GDF7: variants seen among roughly 807,000 people sequenced by gnomAD.
The protein encoded by GDF7 is growth differentiation factor 7.
In GDF7, 12 loss-of-function variants were observed where a neutral mutation model predicts 13.4. The ratio of observed to expected loss-of-function variants is 0.90; its 90% CI spans 0.57 to 1.45. The LOEUF (loss-of-function observed/expected upper bound fraction) is 1.45, where lower values mean the gene tolerates loss of function less well. GDF7 is among the 40% of genes most tolerant of loss of function. The probability of loss-of-function intolerance (pLI) is 0.00; values close to 1 mark genes in which losing one functional copy is unlikely to be tolerated. For missense variants in GDF7, 651 were observed against 652.4 expected, an observed-to-expected ratio of 1.00 and a Z score of 0.02; for synonymous variants, 330 against 306.4, an observed-to-expected ratio of 1.08 and a Z score of -0.80.
At position 20,671,410 on chromosome 2, in the gene GDF7, C is replaced by G. The variant is rs140907072; in HGVS notation, c.1338C>G (p.Ala446=). Residue 446 remains alanine (A), a synonymous_variant, in exon 2 of 2, where the codon GCC becomes GCG. Transcript: ENST00000272224. ...AATACGAGGACATGGTGGTGGAGGC[C>G]TGCGGCTGCAGGTAGCGCGAGGGCC... ...YKQYEDMVVE[A]CGCR 116 of 1,606,178 alleles carry G rather than the reference C, an allele frequency of 7.2e-5. No homozygotes were observed. In the African/African-American group the frequency reaches 1.2e-3, roughly 17 times the overall value.
At chr2:20,669,189 G>T (rs148047885) in intron 1 of GDF7, among the ~76,000 whole-genome samples, 3 of 152,052 alleles carry the variant, frequency 2.0e-5, no homozygotes, top group Admixed American at 1.3e-4. Context: ...GTGCCTCTCC[G>T]GCCTCCCTCT....
In GDF7 at chr2:20,678,393, T is replaced by C. The variant is rs9306895; in HGVS notation, c.*6968T>C. ...CATTTCACCCTAAATGAAAAGTTAA[T>C]GCATTTTTTACAAGGATTAACATGC... On this transcript the variant is annotated 3_prime_UTR_variant, in exon 2 of 2. Transcript: ENST00000272224. The C allele has an allele frequency of 0.3, 45,635 of 152,270 alleles. 8,046 individuals are homozygous for C. The highest frequency in any genetic ancestry group is 0.55 in the Middle Eastern group (161 of 294). The allele number at this position is 152,270 out of a possible 1,614,324, so 9.4% of individuals were successfully genotyped here.
rs1055604895 is a variant in GDF7, at chr2:20,678,888, A to G, written c.*7463A>G. On this transcript the variant is annotated 3_prime_UTR_variant, in exon 2 of 2. Transcript: ENST00000272224. ...GCAAACTGAAATCTCCTTCATCAGCAGTCTTCCTGCTGGTGTAGCCACAGC... is the reference window on the plus strand; with the variant it reads ...GCAAACTGAAATCTCCTTCATCAGCGGTCTTCCTGCTGGTGTAGCCACAGC... 2.0e-5 allele frequency: 3 copies of G among 152,218 alleles called. No individual in the cohort carries two copies. Among genetic ancestry groups the G allele is most frequent in the African/African-American group, 7.2e-5 (3 of 41,438 alleles). The allele number at this position is 152,218 out of a possible 1,614,324, so 9.4% of individuals were successfully genotyped here. A position where few individuals can be genotyped will look rare whatever the true frequency, so the allele number is the denominator to read the frequency against.
At position 20,667,387 on chromosome 2, in the gene GDF7, G is replaced by GGCGGCGGCA; in HGVS notation, c.149_150insCGGCGGCAG (p.Gly50_Arg51insGlyGlyArg). 2.2e-6 allele frequency: 2 copies of GGCGGCGGCA among 925,720 alleles called. No individual in the cohort carries two copies. The highest frequency in any genetic ancestry group is 2.6e-6 in the Non-Finnish European group (2 of 779,168). The allele number at this position is 925,720 out of a possible 1,614,324, so 57.3% of individuals were successfully genotyped here. On this transcript the variant is annotated inframe_insertion, in exon 1 of 2. Coordinates refer to ENST00000272224, the MANE Select transcript of GDF7 (RefSeq NM_182828.4). The surrounding 1 kb of genome is among the most constrained non-coding windows in gnomAD (Gnocchi z 6.4). ...GGGCGGCGGCGGCGGCGGCGGCGGC[G>GGCGGCGGCA]GGCGGACTCTTGCCCAGGCTGCGGG...
chr2:20,667,285 G>T lies in GDF7; in HGVS notation c.46G>T (p.Ala16Ser). Residue 16 changes from alanine (A) to serine (S), a missense_variant, in exon 1 of 2, where the codon GCC becomes TCC. Around this residue, in one of 4 missense-constraint regions of GDF7, gnomAD observed 61 missense variants for 50.5 expected, o/e 1.21. Coordinates refer to ENST00000272224, the MANE Select transcript of GDF7 (RefSeq NM_182828.4). The surrounding 1 kb of genome is among the most constrained non-coding windows in gnomAD (Gnocchi z 6.4). ...AAALCLWLLS[A>S]CRPRDGLEAA... ...CGCGCTGTGCCTTTGGCTGCTGAGC[G>T]CCTGCCGCCCCCGCGACGGGCTGGA... is the stretch of plus-strand genomic sequence containing the variant. 3 of 1,219,252 alleles carry T rather than the reference G, an allele frequency of 2.5e-6. No homozygotes were observed. Among genetic ancestry groups the T allele is most frequent in the Non-Finnish European group, 2.1e-6 (2 of 970,844 alleles). 75.5% of individuals were successfully genotyped at this position (1,219,252 alleles called of 1,614,324 possible). A position where few individuals can be genotyped will look rare whatever the true frequency, so the allele number is the denominator to read the frequency against.
rs1376399276 is a variant in GDF7, at chr2:20,677,306, C to T, written c.*5881C>T. 1.3e-5 allele frequency: 2 copies of T among 152,228 alleles called. No homozygotes were observed. The highest frequency in any genetic ancestry group is 2.9e-5 in the Non-Finnish European group (2 of 68,058). The allele number at this position is 152,228 out of a possible 1,614,324, so 9.4% of individuals were successfully genotyped here. On this transcript the variant is annotated 3_prime_UTR_variant, in exon 2 of 2. Transcript: ENST00000272224. ...GAAAAACAAGAAGCTTCTGTCACAC[C>T]CAGGCCACTTTCGGCAGAGTGGTCC...
intron 1 of GDF7, among the ~76,000 whole-genome samples, chr2:20,668,071 C>T (rs530071398): frequency 6.6e-6 from 1 of 152,364 alleles, no homozygotes; most frequent in East Asian, 1.9e-4. Context: ...TCTGCAGCTC[C>T]CAGTCTCCTG....
chr2:20,668,085 G>A (rs1696001659), intron 1 of GDF7, among the ~76,000 whole-genome samples: 1 of 152,244 alleles, frequency 6.6e-6, no homozygotes, highest in African/African-American at 2.4e-5. Flanking sequence ...TCTCCTGCGG[G>A]CCACACAAAT....
rs773721750 is a variant in GDF7 at position 20,670,492 on chromosome 2, C to T, written c.420C>T (p.Ser140=). The T allele has an allele frequency of 6.4e-6, 10 of 1,570,636 alleles. No individual in the cohort carries two copies. Among genetic ancestry groups the T allele is most frequent in the Non-Finnish European group, 8.6e-6 (10 of 1,159,404 alleles). The change falls in exon 2 of 2, where the codon AGC becomes AGT. Residue 140 remains serine, a synonymous_variant. Coordinates refer to ENST00000272224, the MANE Select transcript of GDF7 (RefSeq NM_182828.4). ...AATCGGCAGCCGAAACAGGCCAGAGCTTCCTGTTCGACGTGTCCAGCCTTA... is the reference window on the plus strand; with the variant it reads ...AATCGGCAGCCGAAACAGGCCAGAGTTTCCTGTTCGACGTGTCCAGCCTTA... ...QDESAAETGQ[S]FLFDVSSLND...
rs1662241742 is a variant in GDF7, at chr2:20,677,070, G to GT, written c.*5646dup. On this transcript the variant is annotated 3_prime_UTR_variant, in exon 2 of 2. Coordinates refer to ENST00000272224, the MANE Select transcript of GDF7 (RefSeq NM_182828.4). ...CGGTCACAGAAACTTCCGGAGAGAG[G>GT]TGTTTCTGTGCAGTCAGGTGAATTT... is the stretch of plus-strand genomic sequence containing the variant. The GT allele has an allele frequency of 6.6e-6, 1 of 152,202 alleles. No individual in the cohort carries two copies. Among genetic ancestry groups the GT allele is most frequent in the East Asian group, 1.9e-4 (1 of 5,190 alleles). The allele number at this position is 152,202 out of a possible 1,614,324, so 9.4% of individuals were successfully genotyped here. A position where few individuals can be genotyped will look rare whatever the true frequency, so the allele number is the denominator to read the frequency against.
In GDF7 at chr2:20,670,457, C is replaced by G. The variant is rs755185136; in HGVS notation, c.392-7C>G. The G allele has an allele frequency of 2.0e-6, 3 of 1,529,800 alleles. 1 individual carries two copies. The South Asian group carries it at 3.8e-5, about 19-fold the overall frequency. 94.8% of individuals were successfully genotyped at this position (1,529,800 alleles called of 1,614,324 possible). A position where few individuals can be genotyped will look rare whatever the true frequency, so the allele number is the denominator to read the frequency against. On this transcript the variant is annotated splice_region_variant and splice_polypyrimidine_tract_variant and intron_variant, in intron 1 of 1. Coordinates refer to ENST00000272224, the MANE Select transcript of GDF7 (RefSeq NM_182828.4). ...TCTTTCTCTCTGTCCCTGCCGGTCC[C>G]CCGCAGACGAATCGGCAGCCGAAAC...
chr2:20,672,668 A>G lies in GDF7; in HGVS notation c.*1243A>G, dbSNP rs1316053150. ...TTCAACTCACAACCCAGACCTTTAG[A>G]GCAGGGGGAAGGTCTGCCCCTTCCC... On this transcript the variant is annotated 3_prime_UTR_variant, in exon 2 of 2. Coordinates refer to ENST00000272224, the MANE Select transcript of GDF7 (RefSeq NM_182828.4). The G allele has an allele frequency of 6.6e-6, 1 of 152,274 alleles. No individual in the cohort carries two copies. Among genetic ancestry groups the G allele is most frequent in the Non-Finnish European group, 1.5e-5 (1 of 68,052 alleles). The allele number at this position is 152,274 out of a possible 1,614,324, so 9.4% of individuals were successfully genotyped here.
In GDF7 at chr2:20,670,840, C is replaced by A. The variant is rs1185164074; in HGVS notation, c.768C>A (p.Gly256=). The A allele has an allele frequency of 4.0e-6, 6 of 1,495,260 alleles. No homozygotes were observed. Among genetic ancestry groups the A allele is most frequent in the South Asian group, 1.3e-5 (1 of 79,578 alleles). 92.6% of individuals were successfully genotyped at this position (1,495,260 alleles called of 1,614,324 possible). ...ALRRLGFGWP[G]GGGSAAEERA... is the part of the protein sequence containing the mutation. ...GGCGGCTGGGCTTCGGCTGGCCGGG[C>A]GGAGGGGGCTCTGCGGCAGAGGAGC... The change falls in exon 2 of 2, where the codon GGC becomes GGA. Residue 256 remains glycine, a synonymous_variant. Transcript: ENST00000272224.
In GDF7 at chr2:20,667,874, C is replaced by T. The variant is rs1318777329; in HGVS notation, c.391+244C>T. Among the ~76,000 whole-genome samples the T allele has an allele frequency of 2.0e-5, 3 of 152,238 alleles. No individual in the cohort carries two copies. Among genetic ancestry groups the T allele is most frequent in the Admixed American group, 6.5e-5 (1 of 15,288 alleles). On this transcript the variant is annotated intron_variant, in intron 1 of 1. Transcript: ENST00000272224. The surrounding 1 kb of genome is among the most constrained non-coding windows in gnomAD (Gnocchi z 6.4). ...TGACTGGTCCCTCTCCCAGGTCTCCCTGGCCTTGCAGGCCGGCTGGTCCCC... is the reference window on the plus strand; with the variant it reads ...TGACTGGTCCCTCTCCCAGGTCTCCTTGGCCTTGCAGGCCGGCTGGTCCCC...
Position 20,667,225 on chromosome 2 carries a change from C to G in GDF7, c.-15C>G. The G allele has an allele frequency of 8.5e-7, 1 of 1,178,694 alleles. No homozygotes were observed. The highest frequency in any genetic ancestry group is 1.0e-6 in the Non-Finnish European group (1 of 954,908). The allele number at this position is 1,178,694 out of a possible 1,614,324, so 73.0% of individuals were successfully genotyped here. On this transcript the variant is annotated 5_prime_UTR_variant, in exon 1 of 2. Coordinates refer to ENST00000272224, the MANE Select transcript of GDF7 (RefSeq NM_182828.4). The surrounding 1 kb of genome is among the most constrained non-coding windows in gnomAD (Gnocchi z 6.4). ...ACGGAGCCCGCGCCGCCCGCCCGCC[C>G]GGCCCACGGAGCCCATGGACCTGAG...
chr2:20,675,334 AG>A lies in GDF7; in HGVS notation c.*3912del, dbSNP rs1415148310. 1.1e-4 allele frequency: 16 copies of A among 152,294 alleles called. No homozygotes were observed. Among genetic ancestry groups the A allele is most frequent in the African/African-American group, 3.9e-4 (16 of 41,470 alleles). 9.4% of individuals were successfully genotyped at this position (152,294 alleles called of 1,614,324 possible). A position where few individuals can be genotyped will look rare whatever the true frequency, so the allele number is the denominator to read the frequency against. ...CCCTCAGAAAGTGTCTGGATTGGGA[AG>A]GGAAGAGAGGAAGCTGCCGAGCGAA... On this transcript the variant is annotated 3_prime_UTR_variant, in exon 2 of 2. Coordinates refer to ENST00000272224, the MANE Select transcript of GDF7 (RefSeq NM_182828.4).
chr2:20,669,718 G>A (rs1359171400), intron 1 of GDF7, among the ~76,000 whole-genome samples: 1 of 152,260 alleles, frequency 6.6e-6, no homozygotes, highest in African/African-American at 2.4e-5. Context: ...GCGATCGCGA[G>A]CAGCAGCGCC....
rs5829753 is a variant in GDF7 at position 20,675,273 on chromosome 2, AG to A, written c.*3849del. Reference sequence around the variant, plus strand: ...CTGGAGGGAGCGAGGCTCTGAAAGCAGCAGTCTAGCAGAGGGAGTTTGGGCC... The same window carrying A: ...CTGGAGGGAGCGAGGCTCTGAAAGCACAGTCTAGCAGAGGGAGTTTGGGCC... On this transcript the variant is annotated 3_prime_UTR_variant, in exon 2 of 2. Transcript: ENST00000272224. 38,870 of 152,244 alleles carry A rather than the reference AG, an allele frequency of 0.26. 5,335 individuals are homozygous for A. The highest frequency in any genetic ancestry group is 0.3 in the Non-Finnish European group (20,605 of 68,026). 9.4% of individuals were successfully genotyped at this position (152,244 alleles called of 1,614,324 possible).
At chr2:20,669,523 T>G (rs1454161723) in intron 1 of GDF7, among the ~76,000 whole-genome samples, 1 of 152,068 alleles carries the variant, frequency 6.6e-6, no homozygotes. Context: ...GAGGGAAGAA[T>G]GAGCCCGCGA....
Sources: gnomAD v4.1 joint callset for allele counts (sites outside exome capture counted in the v4.1 genomes callset) on GRCh38, gnomAD v4.1.1 for gene constraint, gnomAD v4.1.1 regional missense constraint, Gnocchi (gnomAD v3.1) non-coding constraint, MANE v1.5 for transcripts, NCBI Gene and HGNC (gene_info 2026-07-23, HGNC 2026-07-21) for gene names.